SPINDOC: variants seen among roughly 807,000 people sequenced by gnomAD.
The protein encoded by SPINDOC is spindlin interactor and repressor of chromatin-binding protein.
A neutral mutation model predicts 30.7 loss-of-function variants in SPINDOC; 13 were observed. That is an observed-to-expected ratio of 0.42 (90% CI 0.28 to 0.67). SPINDOC has a LOEUF of 0.67. Ranked by LOEUF, SPINDOC falls within the 30% of genes least tolerant of loss-of-function variation. SPINDOC has a pLI of 0.22. For synonymous variants in SPINDOC, 228 were observed against 211.4 expected (o/e 1.08, Z -0.68); for missense variants, 438 against 518.0 (o/e 0.85, Z 1.50).
intron 5 of SPINDOC, chr11:63,822,868 A>G (rs1342274880): frequency 7.8e-7 from 1 of 1,288,968 alleles, no homozygotes; most frequent in Non-Finnish European, 1.0e-6. Flanking sequence ...TGAGAAGAGA[A>G]TCCCTGAGAT....
intron 5 of SPINDOC, chr11:63,823,299 C>T (rs2015577929): frequency 8.0e-7 from 1 of 1,254,676 alleles, no homozygotes. Context: ...TCTCTACTTT[C>T]TGTGTTGTTA....
chr11:63,822,627 C>G (rs554498704), intron 5 of SPINDOC: 1 of 1,289,094 alleles, frequency 7.8e-7, no homozygotes, highest in African/African-American at 1.5e-5. Flanking sequence ...TTAACTGTCT[C>G]AAGTTTCAGC....
intron 1 of SPINDOC, among the ~76,000 whole-genome samples, chr11:63,815,854 G>A (rs999597717): frequency 2.0e-5 from 3 of 150,788 alleles, no homozygotes; most frequent in Non-Finnish European, 4.4e-5. Context: ...TGCAACCTTC[G>A]CCTCCCGGGT....
chr11:63,819,082 T>C, intron 5 of SPINDOC, 80 bp downstream of exon 5: 1 of 444,136 alleles, frequency 2.3e-6, no homozygotes, highest in Non-Finnish European at 3.8e-6. Flanking sequence ...GGCTGCTCTA[T>C]GGCAGAGCCC....
intron 5 of SPINDOC, chr11:63,822,743 C>G (rs1411235449): frequency 7.8e-7 from 1 of 1,288,936 alleles, no homozygotes; most frequent in Non-Finnish European, 1.0e-6. Flanking sequence ...CTCTAAATGG[C>G]TGACCTCTTC....
intron 5 of SPINDOC, among the ~76,000 whole-genome samples, chr11:63,825,149 C>T (rs10897449): frequency 0.35 from 53,440 of 152,026 alleles, 11,196 homozygotes; most frequent in South Asian, 0.61. Context: ...TCCAGTCACT[C>T]CTCTACTCAT....
At position 63,817,800 on chromosome 11, in the gene SPINDOC, C is replaced by T. The variant is rs1299459457; in HGVS notation, c.128-5C>T. 8 of 1,561,658 alleles carry T rather than the reference C, an allele frequency of 5.1e-6. No individual in the cohort carries two copies. Among genetic ancestry groups the T allele is most frequent in the Admixed American group, 1.9e-5 (1 of 52,578 alleles). ...TGATAACACCCTCCCCCTCTCCCCT[C>T]GCAGTGACCCAACAGGAGAAGACCC... On this transcript the variant is annotated splice_region_variant and splice_polypyrimidine_tract_variant and intron_variant, in intron 1 of 5. Coordinates refer to ENST00000294244, the MANE Select transcript of SPINDOC (RefSeq NM_138471.3).
chr11:63,817,963 G>A lies in SPINDOC; in HGVS notation c.286G>A (p.Ala96Thr), dbSNP rs1003769599. 8.7e-6 allele frequency: 14 copies of A among 1,613,998 alleles called. No homozygotes were observed. The highest frequency in any genetic ancestry group is 2.2e-5 in the East Asian group (1 of 44,894). Residue 96 changes from alanine to threonine, a missense_variant, in exon 2 of 6, where the codon GCT (alanine) becomes ACT (threonine). Coordinates refer to ENST00000294244, the MANE Select transcript of SPINDOC (RefSeq NM_138471.3). The part of the protein sequence containing the change: ...SGRALCMVCG[A>T]EIRAPSADTA... ...GCGGGCACTGTGCATGGTGTGTGGC[G>A]CTGAGATCCGGGCACCCTCGGCCGA...
intron 5 of SPINDOC, among the ~76,000 whole-genome samples, chr11:63,826,625 C>T (rs2015660596): frequency 6.6e-6 from 1 of 152,190 alleles, no homozygotes; most frequent in South Asian, 2.1e-4. Flanking sequence ...GTAGGAGTTA[C>T]AGGAAGAGGC....
At chr11:63,820,889 C>CAAAA (rs60839586) in intron 5 of SPINDOC, among the ~76,000 whole-genome samples, 1 of 74,432 alleles carries the variant, frequency 1.3e-5, no homozygotes, top group Non-Finnish European at 2.5e-5. Flanking sequence ...AACTCCGTCT[C>CAAAA]AAAAAAAAAA....
At position 63,818,218 on chromosome 11, in the gene SPINDOC, T is replaced by C; in HGVS notation, c.460T>C (p.Ser154Pro). ...CATTGTGCTCTTGCTCCCTGCAGAC[T>C]CGGGCCAGGATGCCCACCCAGACCC... ...AEQPSPPNSD[S>P]GQDAHPDPDA... Residue 154 changes from serine to proline, a missense_variant and splice_region_variant, in exon 3 of 6, where the codon TCG becomes CCG. Coordinates refer to ENST00000294244, the MANE Select transcript of SPINDOC (RefSeq NM_138471.3). This position sits in a 1 kb window ranked among gnomAD's most constrained non-coding sequence, Gnocchi z 5.3. 6.2e-7 allele frequency: 1 copy of C among 1,614,026 alleles called. No individual in the cohort carries two copies.
chr11:63,827,502 G>A lies in SPINDOC; in HGVS notation c.*363G>A. ...TGCCTTACACAAGAGTGGTCATAAG[G>A]GGGTTTGAACTGAGTCCCACTACCT... On this transcript the variant is annotated 3_prime_UTR_variant, in exon 6 of 6. Coordinates refer to ENST00000294244, the MANE Select transcript of SPINDOC (RefSeq NM_138471.3). 6.3e-6 allele frequency: 2 copies of A among 316,236 alleles called. No individual in the cohort carries two copies. The highest frequency in any genetic ancestry group is 6.9e-5 in the South Asian group (2 of 28,888). 19.6% of individuals were successfully genotyped at this position (316,236 alleles called of 1,614,324 possible).
At chr11:63,815,402 G>A (rs955748949) in intron 1 of SPINDOC, among the ~76,000 whole-genome samples, 6 of 152,224 alleles carry the variant, frequency 3.9e-5, no homozygotes, top group Non-Finnish European at 8.8e-5. Context: ...CCCATTTTCC[G>A]AGATGGGGAA....
At position 63,818,352 on chromosome 11, in the gene SPINDOC, C is replaced by T; in HGVS notation, c.594C>T (p.Pro198=). ...GGAGCCGGCCCAGGGGACTCCGCCC[C>T]CTCGAGCTTCCTGGTTAGTCAACAG... ...PKRSRPRGLR[P]LELPAVPATE... The change falls in exon 3 of 6, where the codon CCC becomes CCT. Residue 198 remains proline, a synonymous_variant. Coordinates refer to ENST00000294244, the MANE Select transcript of SPINDOC (RefSeq NM_138471.3). This position sits in a 1 kb window ranked among gnomAD's most constrained non-coding sequence, Gnocchi z 5.3. 2.5e-6 allele frequency: 4 copies of T among 1,613,860 alleles called. No homozygotes were observed. Among genetic ancestry groups the T allele is most frequent in the Non-Finnish European group, 3.4e-6 (4 of 1,179,936 alleles).
At chr11:63,824,533 C>T (rs1306100286) in intron 5 of SPINDOC, among the ~76,000 whole-genome samples, 1 of 152,086 alleles carries the variant, frequency 6.6e-6, no homozygotes, top group Non-Finnish European at 1.5e-5. Context: ...TGAGTACGTG[C>T]TTAAGTATCC....
Position 63,818,546 on chromosome 11 carries a change from A to G in SPINDOC, c.627A>G (p.Pro209=). 6.2e-7 allele frequency: 1 copy of G among 1,613,062 alleles called. No individual in the cohort carries two copies. ...LELPAVPATE[P]GNKKPRGQRW... is the part of the protein sequence containing the mutation. ...TTGCAGCTGTCCCTGCCACAGAGCC[A>G]GGAAATAAGAAGCCCCGTGGTCAGA... is the stretch of plus-strand genomic sequence containing the variant. The change falls in exon 4 of 6, where the codon CCA becomes CCG. Residue 209 remains proline (P), a synonymous_variant. Coordinates refer to ENST00000294244, the MANE Select transcript of SPINDOC (RefSeq NM_138471.3). This position sits in a 1 kb window ranked among gnomAD's most constrained non-coding sequence, Gnocchi z 5.3.
At chr11:63,825,021 G>A (rs1323831623) in intron 5 of SPINDOC, among the ~76,000 whole-genome samples, 6 of 152,150 alleles carry the variant, frequency 3.9e-5, no homozygotes, top group South Asian at 4.1e-4. Context: ...AGTCAGGGCC[G>A]GCTCTCGCCT....
chr11:63,817,641 AGT>A (rs2135139162), intron 1 of SPINDOC, among the ~76,000 whole-genome samples, 162 bp from the exon 2 acceptor site: 1 of 152,254 alleles, frequency 6.6e-6, no homozygotes, highest in African/African-American at 2.4e-5. Context: ...GGCTGTGTTG[AGT>A]GTGGCGTGTG....
chr11:63,825,260 C>T (rs1017491517), intron 5 of SPINDOC, among the ~76,000 whole-genome samples: 9 of 152,292 alleles, frequency 5.9e-5, no homozygotes, highest in Non-Finnish European at 1.0e-4. Flanking sequence ...CCCCACATCC[C>T]GCTCCCCGCA....
Sources: allele counts gnomAD v4.1 joint callset (sites outside exome capture counted in the v4.1 genomes callset), GRCh38; gene constraint gnomAD v4.1.1; non-coding constraint Gnocchi (gnomAD v3.1); transcripts MANE v1.5; gene names NCBI Gene and HGNC (gene_info 2026-07-23, HGNC 2026-07-21).